Variants in CACNA1C observed in about 807,000 individuals in gnomAD.
The protein encoded by CACNA1C is voltage-dependent L-type calcium channel subunit alpha-1C.
In CACNA1C, 30 loss-of-function variants were observed where a neutral mutation model predicts 229.0. That is an observed-to-expected ratio of 0.13 (90% CI 0.10 to 0.18). CACNA1C has a LOEUF of 0.18. CACNA1C is among the 10% of genes least tolerant of loss of function. The pLI, the probability that CACNA1C is intolerant of heterozygous loss-of-function variation, is 1.00. For synonymous variants in CACNA1C, 1,114 were observed against 1,132.5 expected (o/e 0.98, Z 0.33); for missense variants, 1,658 against 2,845.0 (o/e 0.58, Z 9.49).
rs1180364442 is a variant in CACNA1C at position 2,684,086 on chromosome 12, G to A, written c.5573+1408G>A. Among the ~76,000 whole-genome samples, 6 of 152,204 alleles carry A rather than the reference G, an allele frequency of 3.9e-5. 1 individual carries two copies. In the South Asian group the frequency reaches 1.2e-3, roughly 31 times the overall value. ...GGGGACACCAGGTGCCCCACCCTGA[G>A]GAGTGTGGGGAGAATGGCAGCCAGG... On this transcript the variant is annotated intron_variant, in intron 43 of 46. Coordinates refer to ENST00000399655, the MANE Select transcript of CACNA1C (RefSeq NM_000719.7).
At chr12:2,123,502 C>T (rs368796651) in intron 3 of CACNA1C, among the ~76,000 whole-genome samples, 4 of 151,814 alleles carry the variant, frequency 2.6e-5, no homozygotes, top group East Asian at 1.9e-4. Flanking sequence ...AAGAGTAGGG[C>T]GGGCAGTGAC....
At chr12:2,583,266 C>T (rs935511289) in intron 15 of CACNA1C, among the ~76,000 whole-genome samples, 2 of 152,202 alleles carry the variant, frequency 1.3e-5, no homozygotes, top group Admixed American at 6.5e-5. Context: ...GGGAGCGGGC[C>T]GGCTGCCCTG....
chr12:2,294,879 G>A (rs114831975), intron 3 of CACNA1C, among the ~76,000 whole-genome samples: 32 of 152,218 alleles, frequency 2.1e-4, no homozygotes, highest in African/African-American at 7.2e-4. Context: ...TGTGCACATG[G>A]TGCTCAGTGA....
intron 3 of CACNA1C, among the ~76,000 whole-genome samples, chr12:2,373,240 C>T (rs1303767173): frequency 2.0e-5 from 3 of 152,212 alleles, no homozygotes; most frequent in Admixed American, 1.3e-4. Context: ...TGTCACCCCT[C>T]ATTCATTCAG....
chr12:2,517,325 G>C (rs1455822846), intron 9 of CACNA1C, among the ~76,000 whole-genome samples: 2 of 152,230 alleles, frequency 1.3e-5, no homozygotes, highest in Non-Finnish European at 2.9e-5. Flanking sequence ...AGAAAGAGGA[G>C]AGGAGGAGAC....
At chr12:2,671,957 G>A (rs907988265) in intron 38 of CACNA1C, among the ~76,000 whole-genome samples, 9 of 151,876 alleles carry the variant, frequency 5.9e-5, no homozygotes, top group Admixed American at 1.3e-4. Flanking sequence ...CATCAGACAC[G>A]GGCCCTCCAC....
chr12:2,366,961 C>T (rs2097737180), intron 3 of CACNA1C, among the ~76,000 whole-genome samples: 1 of 152,168 alleles, frequency 6.6e-6, no homozygotes, highest in South Asian at 2.1e-4. Context: ...AACTCACTTA[C>T]TGTCATGAGA....
intron 1 of CACNA1C, among the ~76,000 whole-genome samples, chr12:2,095,854 A>T (rs1387701485): frequency 3.3e-5 from 5 of 152,206 alleles, no homozygotes; most frequent in African/African-American, 1.2e-4. Flanking sequence ...GTCCCACTGG[A>T]TGGAGGCTGT....
chr12:2,380,900 C>T (rs2098225290), intron 3 of CACNA1C, among the ~76,000 whole-genome samples: 2 of 152,160 alleles, frequency 1.3e-5, no homozygotes, highest in Non-Finnish European at 2.9e-5. Flanking sequence ...GGCACATCAC[C>T]AAGGATCACC....
rs950016230 is a variant in CACNA1C, at chr12:2,605,500, T to G, written c.3049-179T>G. On this transcript the variant is annotated intron_variant, in intron 23 of 46. Transcript: ENST00000399655. This position sits in a 1 kb window ranked among gnomAD's most constrained non-coding sequence, Gnocchi z 6.2. ...GTCCTTGTAGTCACGGAGAGTCCAG[T>G]GGGGGCCTTTGCATCCCATTAGGGT... 6.6e-6 allele frequency among the ~76,000 whole-genome samples: 1 copy of G among 152,114 alleles called. No homozygotes were observed. Among genetic ancestry groups the G allele is most frequent in the African/African-American group, 2.4e-5 (1 of 41,418 alleles).
At chr12:2,030,598 CAG>C (rs1158110399) in intron 1 of CACNA1C, among the ~76,000 whole-genome samples, 2 of 152,202 alleles carry the variant, frequency 1.3e-5, no homozygotes, top group Admixed American at 1.3e-4. Flanking sequence ...TTTGTCCACA[CAG>C]GGGCCTGTGT....
intron 31 of CACNA1C, among the ~76,000 whole-genome samples, chr12:2,650,649 G>T (rs1352284854): frequency 6.6e-6 from 1 of 152,162 alleles, no homozygotes; most frequent in African/African-American, 2.4e-5. Flanking sequence ...GGAGGCAGAG[G>T]ACCGCAGGGC....
At chr12:2,166,361 G>A (rs1447145109) in intron 3 of CACNA1C, among the ~76,000 whole-genome samples, 1 of 152,226 alleles carries the variant, frequency 6.6e-6, no homozygotes, top group Non-Finnish European at 1.5e-5. Flanking sequence ...AGCAGCATGT[G>A]CTCAGGTTAA....
At chr12:1,977,228 G>C (rs1326855866) in intron 1 of CACNA1C, among the ~76,000 whole-genome samples, 3 of 152,162 alleles carry the variant, frequency 2.0e-5, no homozygotes, top group Admixed American at 6.5e-5. Flanking sequence ...TGAAGCCTAG[G>C]AGAAAGCTTA....
chr12:2,071,172 C>CCCTGCCTG (rs767264073), intron 1 of CACNA1C, among the ~76,000 whole-genome samples: 1,802 of 15,886 alleles, frequency 0.11, 357 homozygotes, highest in African/African-American at 0.15. Context: ...CTCCCTCCCT[C>CCCTGCCTG]CCTGCCTGCC....
intron 3 of CACNA1C, among the ~76,000 whole-genome samples, chr12:2,440,111 T>C (rs1260763280): frequency 1.3e-5 from 2 of 152,236 alleles, no homozygotes; most frequent in Non-Finnish European, 2.9e-5. Flanking sequence ...AATGCTTCTT[T>C]TTTTATTGTG....
chr12:2,624,939 C>T (rs1296519773), intron 29 of CACNA1C, among the ~76,000 whole-genome samples: 1 of 152,232 alleles, frequency 6.6e-6, no homozygotes, highest in African/African-American at 2.4e-5. Flanking sequence ...CAGCCTTCGC[C>T]ATCGGCACAG....
Position 2,378,487 on chromosome 12 carries a change from A to G in CACNA1C, c.478-70489A>G, listed in dbSNP as rs548873019. Among the ~76,000 whole-genome samples, 5 of 152,354 alleles carry G rather than the reference A, an allele frequency of 3.3e-5. No homozygotes were observed. The South Asian group carries it at 1.0e-3, about 32-fold the overall frequency. The stretch of plus-strand genomic sequence containing the variant: ...CTCAAATCATCAAACGTAAGCACAT[A>G]GATGCCAACCAGTGTCTACGGGGTG... On this transcript the variant is annotated intron_variant, in intron 3 of 46. Coordinates refer to ENST00000399655, the MANE Select transcript of CACNA1C (RefSeq NM_000719.7).
chr12:2,043,944 C>T (rs941335596), intron 1 of CACNA1C, among the ~76,000 whole-genome samples: 4 of 151,946 alleles, frequency 2.6e-5, no homozygotes, highest in Admixed American at 2.0e-4. Context: ...CGTGAGCCAC[C>T]GCGCCCGGCC....
Sources: gnomAD v4.1 joint callset for allele counts (sites outside exome capture counted in the v4.1 genomes callset) on GRCh38, gnomAD v4.1.1 for gene constraint, Gnocchi (gnomAD v3.1) non-coding constraint, MANE v1.5 for transcripts, NCBI Gene and HGNC (gene_info 2026-07-23, HGNC 2026-07-21) for gene names.